Variants in POU2F1 observed in about 807,000 individuals in gnomAD.
POU2F1 encodes POU class 2 homeobox 1.
In POU2F1, 16 loss-of-function variants were observed where a neutral mutation model predicts 84.9. That is an observed-to-expected ratio of 0.19 (90% CI 0.13 to 0.29). The LOEUF (loss-of-function observed/expected upper bound fraction) is 0.29, where lower values mean the gene tolerates loss of function less well. POU2F1 is among the 10% of genes least tolerant of loss of function. The pLI is 1.00. For synonymous variants in POU2F1, 368 were observed against 368.3 expected (o/e 1.00, Z 0.01); for missense variants, 738 against 942.6 (o/e 0.78, Z 2.84).
chr1:167,358,762 C>T, intron 2 of POU2F1, among the ~76,000 whole-genome samples: 1 of 107,768 alleles, frequency 9.3e-6, no homozygotes, highest in African/African-American at 3.7e-5. Flanking sequence ...CTGTGCTGCT[C>T]AGGCTGGTCT....
chr1:167,296,786 C>G (rs1654311681), intron 1 of POU2F1, among the ~76,000 whole-genome samples: 1 of 152,168 alleles, frequency 6.6e-6, no homozygotes, highest in South Asian at 2.1e-4. Context: ...CAGATCATAT[C>G]TGTAACTATC....
chr1:167,347,862 G>A (rs1484890212), intron 2 of POU2F1, among the ~76,000 whole-genome samples: 2 of 152,110 alleles, frequency 1.3e-5, no homozygotes, highest in African/African-American at 4.8e-5. Flanking sequence ...CATATTATCA[G>A]TACTCATTCC....
At chr1:167,300,802 C>G (rs58246865) in intron 1 of POU2F1, among the ~76,000 whole-genome samples, 15,868 of 151,764 alleles carry the variant, frequency 0.1, 2,140 homozygotes, top group African/African-American at 0.32. Flanking sequence ...ACGGAGTCTA[C>G]CTCTGTTGCC....
chr1:167,420,635 A>G lies in POU2F1; in HGVS notation c.*4825A>G, dbSNP rs575372290. On this transcript the variant is annotated 3_prime_UTR_variant, in exon 16 of 16. Coordinates refer to ENST00000367866, the MANE Select transcript of POU2F1 (RefSeq NM_002697.4). ...GATAAGGTCATTGAGATAGGAAGAC[A>G]GAGGAAAAGCCTCTTGCTGTTGTTT... The G allele has an allele frequency of 9.8e-5, 15 of 152,394 alleles. No individual in the cohort carries two copies. Among genetic ancestry groups the G allele is most frequent in the African/African-American group, 3.4e-4 (14 of 41,588 alleles). The allele number at this position is 152,394 out of a possible 1,614,324, so 9.4% of individuals were successfully genotyped here. A position where few individuals can be genotyped will look rare whatever the true frequency, so the allele number is the denominator to read the frequency against.
intron 1 of POU2F1, among the ~76,000 whole-genome samples, chr1:167,221,694 G>A (rs1227548713): frequency 6.6e-6 from 1 of 151,384 alleles, no homozygotes; most frequent in African/African-American, 2.4e-5. Context: ...CGCCCCACTG[G>A]TCCCCAATGT....
At position 167,421,220 on chromosome 1, in the gene POU2F1, TA is replaced by T. The variant is rs1650631553; in HGVS notation, c.*5412del. 1 of 152,210 alleles carries T rather than the reference TA, an allele frequency of 6.6e-6. No homozygotes were observed. The highest frequency in any genetic ancestry group is 1.5e-5 in the Non-Finnish European group (1 of 68,028). The allele number at this position is 152,210 out of a possible 1,614,324, so 9.4% of individuals were successfully genotyped here. On this transcript the variant is annotated 3_prime_UTR_variant, in exon 16 of 16. Coordinates refer to ENST00000367866, the MANE Select transcript of POU2F1 (RefSeq NM_002697.4). ...GGAAAAATCCTCTTTGCTATTTCTG[TA>T]AGAAGAATAACTGAGATCAGCTATT...
At chr1:167,221,614 G>C (rs1407873738) in intron 1 of POU2F1, among the ~76,000 whole-genome samples, 1 of 150,602 alleles carries the variant, frequency 6.6e-6, no homozygotes, top group African/African-American at 2.4e-5. Context: ...GGGTGCGCGC[G>C]GGGAGAGCTC....
intron 3 of POU2F1, among the ~76,000 whole-genome samples, chr1:167,367,622 A>G (rs950494214): frequency 6.6e-5 from 10 of 152,242 alleles, no homozygotes; most frequent in Middle Eastern, 3.4e-3. Flanking sequence ...TCAAATTTGT[A>G]AGAGTTACAA....
chr1:167,300,898 G>A (rs1196770551), intron 1 of POU2F1, among the ~76,000 whole-genome samples: 1 of 152,114 alleles, frequency 6.6e-6, no homozygotes, highest in Non-Finnish European at 1.5e-5. Flanking sequence ...AGCCTCCTGA[G>A]TGGCTGGGAT....
chr1:167,382,846 A>G (rs1157706138), intron 7 of POU2F1, among the ~76,000 whole-genome samples: 1 of 152,158 alleles, frequency 6.6e-6, no homozygotes, highest in Non-Finnish European at 1.5e-5. Context: ...GTATCTTTTG[A>G]TAGCTTAAAT....
At chr1:167,245,253 T>G (rs572047602) in intron 1 of POU2F1, among the ~76,000 whole-genome samples, 2 of 151,972 alleles carry the variant, frequency 1.3e-5, no homozygotes, top group East Asian at 1.9e-4. Flanking sequence ...CTTTTTTTTT[T>G]TTTGTTTGAG....
At chr1:167,259,981 C>T (rs529986521) in intron 1 of POU2F1, among the ~76,000 whole-genome samples, 15 of 152,054 alleles carry the variant, frequency 9.9e-5, no homozygotes, top group African/African-American at 2.7e-4. Flanking sequence ...TGGGTTCACG[C>T]GATTCTCCTG....
chr1:167,254,023 G>A (rs1186429120), intron 1 of POU2F1, among the ~76,000 whole-genome samples: 1 of 152,046 alleles, frequency 6.6e-6, no homozygotes, highest in Non-Finnish European at 1.5e-5. Flanking sequence ...TCTTTTGGCT[G>A]GGTTGGGTCC....
intron 1 of POU2F1, among the ~76,000 whole-genome samples, chr1:167,257,653 A>G (rs1651243656): frequency 6.6e-6 from 1 of 152,226 alleles, no homozygotes; most frequent in Non-Finnish European, 1.5e-5. Flanking sequence ...TAAGGGATCT[A>G]TTTAGACAAG....
intron 10 of POU2F1, 36 bp from the exon 11 acceptor site, chr1:167,397,958 G>A (rs764619558): frequency 6.9e-6 from 11 of 1,587,616 alleles, no homozygotes; most frequent in Non-Finnish European, 6.9e-6. Context: ...ACTGTGCTCA[G>A]CTAATTTTAT....
chr1:167,371,972 A>G lies in POU2F1; in HGVS notation c.338A>G (p.Gln113Arg). The change falls in exon 5 of 16, where the codon CAG (glutamine) becomes CGG (arginine). Residue 113 changes from glutamine to arginine, a missense_variant. Gln to Arg is a conservative substitution (Grantham distance 43). Around this residue, in one of 4 missense-constraint regions of POU2F1, gnomAD observed 161 missense variants for 147.0 expected, o/e 1.10. Coordinates refer to ENST00000367866, the MANE Select transcript of POU2F1 (RefSeq NM_002697.4). ...DSQQPSQPSQQPSVQAAIPQT... is the reference protein window; with the variant it reads ...DSQQPSQPSQRPSVQAAIPQT... ...CAGCAGCCAAGCCAGCCTTCCCAGC[A>G]GCCTTCAGTGCAGGCAGCCATTCCC... The G allele has an allele frequency of 6.2e-7, 1 of 1,614,172 alleles. No homozygotes were observed. Among genetic ancestry groups the G allele is most frequent in the Non-Finnish European group, 8.5e-7 (1 of 1,180,002 alleles).
Position 167,397,885 on chromosome 1 carries a change from C to T in POU2F1, c.1130-109C>T, listed in dbSNP as rs555866469. On this transcript the variant is annotated intron_variant, in intron 10 of 15. Transcript: ENST00000367866. ...AATGTAGGTTATGTGAAAACCTTTT[C>T]ATACTTGGATGTAGCTTATTTTGTC... 448 of 1,181,740 alleles carry T rather than the reference C, an allele frequency of 3.8e-4. 3 individuals are homozygous for T. In the South Asian group the frequency reaches 6.5e-3, roughly 17 times the overall value. The allele number at this position is 1,181,740 out of a possible 1,614,324, so 73.2% of individuals were successfully genotyped here.
chr1:167,249,313 C>G (rs1359155714), intron 1 of POU2F1, among the ~76,000 whole-genome samples: 2 of 152,208 alleles, frequency 1.3e-5, no homozygotes. Flanking sequence ...CCTCTAAACT[C>G]CCTGCCTCTG....
chr1:167,350,986 G>A (rs1386772643), intron 2 of POU2F1, among the ~76,000 whole-genome samples: 4 of 151,464 alleles, frequency 2.6e-5, no homozygotes, highest in African/African-American at 9.7e-5. Flanking sequence ...CAACAAAAGC[G>A]AAACTCCATC....
Sources: gnomAD v4.1 joint callset for allele counts (sites outside exome capture counted in the v4.1 genomes callset) on GRCh38, gnomAD v4.1.1 for gene constraint, gnomAD v4.1.1 regional missense constraint, MANE v1.5 for transcripts, NCBI Gene and HGNC (gene_info 2026-07-23, HGNC 2026-07-21) for gene names.